The following KCNT2 variants were observed in gnomAD, a reference collection of about 807,000 sequenced individuals.
KCNT2 encodes the protein potassium channel subfamily T member 2.
A neutral mutation model predicts 153.8 loss-of-function variants in KCNT2; 67 were observed. That is an observed-to-expected ratio of 0.44 (90% CI 0.36 to 0.53). The LOEUF (loss-of-function observed/expected upper bound fraction) is 0.53. KCNT2 is among the 20% of genes least tolerant of loss of function. KCNT2 has a pLI of 0.00. For synonymous variants in KCNT2, 500 were observed against 458.8 expected, an observed-to-expected ratio of 1.09 and a Z score of -1.15; for missense variants, 975 against 1,354.8, an observed-to-expected ratio of 0.72 and a Z score of 4.40.
intron 5 of KCNT2, among the ~76,000 whole-genome samples, chr1:196,472,570 C>T (rs1428146969): frequency 1.3e-5 from 2 of 152,150 alleles, no homozygotes; most frequent in African/African-American, 4.8e-5. Flanking sequence ...TGACTCAGAT[C>T]AACTGCTTAA....
rs1236929419 is a variant in KCNT2 at position 196,277,668 on chromosome 1, T to C, written c.2910+3192A>G. 5.3e-5 allele frequency among the ~76,000 whole-genome samples: 8 copies of C among 152,164 alleles called. No individual in the cohort carries two copies. The East Asian group carries it at 1.3e-3, about 26-fold the overall frequency. On this transcript the variant is annotated intron_variant, in intron 25 of 27. Coordinates refer to ENST00000294725, the MANE Select transcript of KCNT2 (RefSeq NM_198503.5). ...TGAAAGAAGTTTCTAATTCCTGAAATCTAGTGTCTTTCTTTAAGTTCAAGT... is the reference window on the plus strand; with the variant it reads ...TGAAAGAAGTTTCTAATTCCTGAAACCTAGTGTCTTTCTTTAAGTTCAAGT...
chr1:196,414,779 A>C (rs1443687481), intron 12 of KCNT2, among the ~76,000 whole-genome samples: 3 of 151,838 alleles, frequency 2.0e-5, no homozygotes, highest in South Asian at 2.1e-4. Context: ...TGGTTCAACT[A>C]TTTAGTGTGA....
At chr1:196,549,705 C>T (rs1572797191) in intron 1 of KCNT2, among the ~76,000 whole-genome samples, 1 of 151,904 alleles carries the variant, frequency 6.6e-6, no homozygotes, top group Admixed American at 6.6e-5. Context: ...TTATAATGCA[C>T]ACTAAATTTT....
chr1:196,333,749 C>A lies in KCNT2; in HGVS notation c.1997+98G>T, dbSNP rs947390936. 121 of 713,898 alleles carry A rather than the reference C, an allele frequency of 1.7e-4. No homozygotes were observed. In the East Asian group the frequency reaches 3.2e-3, roughly 19 times the overall value. The allele number at this position is 713,898 out of a possible 1,614,324, so 44.2% of individuals were successfully genotyped here. ...TTCTAGGATGTTCAGAAGGAAAGAT[C>A]ATTAGCTCCTTACCTATTGGGAAGG... On this transcript the variant is annotated intron_variant, in intron 17 of 27. Transcript: ENST00000294725.
chr1:196,486,694 T>G (rs10737671), intron 3 of KCNT2, among the ~76,000 whole-genome samples: 121,603 of 148,514 alleles, frequency 0.82, 51,168 homozygotes, highest in East Asian at 0.97. Context: ...CAAGATGAAC[T>G]CAAAGACTGG....
chr1:196,399,065 T>C (rs958608214), intron 12 of KCNT2, among the ~76,000 whole-genome samples: 2 of 149,720 alleles, frequency 1.3e-5, no homozygotes, highest in African/African-American at 2.4e-5. Flanking sequence ...TTTTATATAA[T>C]AGTAAAGGTA....
chr1:196,466,983 T>A (rs1677675245), intron 7 of KCNT2, among the ~76,000 whole-genome samples: 1 of 151,914 alleles, frequency 6.6e-6, no homozygotes, highest in Non-Finnish European at 1.5e-5. Context: ...TCTCCTAATA[T>A]CCCACTCACA....
At chr1:196,402,638 A>C (rs1003186903) in intron 12 of KCNT2, among the ~76,000 whole-genome samples, 1 of 151,660 alleles carries the variant, frequency 6.6e-6, no homozygotes, top group African/African-American at 2.4e-5. Flanking sequence ...GAAACAAACA[A>C]AACAATTTAG....
intron 26 of KCNT2, among the ~76,000 whole-genome samples, chr1:196,250,538 G>C (rs1558066205): frequency 6.6e-6 from 1 of 152,066 alleles, no homozygotes; most frequent in Non-Finnish European, 1.5e-5. Flanking sequence ...AGAAAACATT[G>C]GGAAAACTCT....
At chr1:196,469,159 T>C (rs1677868682) in intron 5 of KCNT2, 91 bp from the exon 6 acceptor site, 2 of 711,494 alleles carry the variant, frequency 2.8e-6, no homozygotes, top group Admixed American at 2.3e-5. Flanking sequence ...TCTCTAGCAA[T>C]AAGGATGCTT....
chr1:196,594,209 A>G (rs969919193), intron 1 of KCNT2, among the ~76,000 whole-genome samples: 1 of 152,136 alleles, frequency 6.6e-6, no homozygotes, highest in Non-Finnish European at 1.5e-5. Context: ...TTGAACTGTC[A>G]CAGTATGAAT....
intron 1 of KCNT2, among the ~76,000 whole-genome samples, chr1:196,570,240 A>C (rs148622416): frequency 6.6e-6 from 1 of 152,150 alleles, no homozygotes; most frequent in Non-Finnish European, 1.5e-5. Flanking sequence ...TAAGTATGAA[A>C]TAATCCCAAT....
At chr1:196,605,111 G>A (rs1258963515) in intron 1 of KCNT2, among the ~76,000 whole-genome samples, 1 of 152,170 alleles carries the variant, frequency 6.6e-6, no homozygotes, top group Non-Finnish European at 1.5e-5. Context: ...CTTACAGTGA[G>A]GAACAAGGTA....
chr1:196,319,274 A>G (rs1663042792), intron 20 of KCNT2, among the ~76,000 whole-genome samples: 1 of 151,878 alleles, frequency 6.6e-6, no homozygotes, highest in Admixed American at 6.6e-5. Flanking sequence ...ATTGACATGC[A>G]GCAAGATTTG....
chr1:196,386,987 T>G (rs542022736), intron 13 of KCNT2, among the ~76,000 whole-genome samples: 1 of 152,238 alleles, frequency 6.6e-6, no homozygotes, highest in South Asian at 2.1e-4. Flanking sequence ...TTTTGTAGTC[T>G]ATATAAACAT....
At chr1:196,563,458 GAA>G (rs529874769) in intron 1 of KCNT2, among the ~76,000 whole-genome samples, 25 of 82,884 alleles carry the variant, frequency 3.0e-4, no homozygotes, top group African/African-American at 8.4e-4. Flanking sequence ...AAAGAAAAAA[GAA>G]AAAAAAAAAA....
chr1:196,463,580 C>T (rs755681157), intron 8 of KCNT2, among the ~76,000 whole-genome samples: 32 of 151,518 alleles, frequency 2.1e-4, no homozygotes, highest in Middle Eastern at 3.4e-3. Context: ...AACCACTACT[C>T]GGTTATTTAA....
chr1:196,355,216 TA>T lies in KCNT2; in HGVS notation c.1404-12989del, dbSNP rs1160767196. Among the ~76,000 whole-genome samples the T allele has an allele frequency of 1.5e-3, 211 of 142,356 alleles. 1 individual carries two copies. Among genetic ancestry groups the T allele is most frequent in the African/African-American group, 3.7e-3 (145 of 39,196 alleles). 93.4% of individuals were successfully genotyped at this position (142,356 alleles called of 152,430 possible). A position where few individuals can be genotyped will look rare whatever the true frequency, so the allele number is the denominator to read the frequency against. ...ACTTGAGAACTCCAGATAGAAGTAA[TA>T]AAAAAAAAAAGACACCTTGGTCTAC... On this transcript the variant is annotated intron_variant, in intron 14 of 27. Coordinates refer to ENST00000294725, the MANE Select transcript of KCNT2 (RefSeq NM_198503.5).
At chr1:196,245,475 A>G (rs919566944) in intron 26 of KCNT2, among the ~76,000 whole-genome samples, 1 of 152,240 alleles carries the variant, frequency 6.6e-6, no homozygotes, top group Non-Finnish European at 1.5e-5. Context: ...ATGAACATCC[A>G]GAAGCATCAA....
Sources: gnomAD v4.1 joint callset for allele counts (sites outside exome capture counted in the v4.1 genomes callset) on GRCh38, gnomAD v4.1.1 for gene constraint, MANE v1.5 for transcripts, NCBI Gene and HGNC (gene_info 2026-07-23, HGNC 2026-07-21) for gene names.